The following LYPD6 variants were observed in gnomAD, a reference collection of about 807,000 sequenced individuals.
LYPD6 encodes LY6/PLAUR domain containing 6, also known as ly6/PLAUR domain-containing protein 6.
A neutral mutation model predicts 22.7 loss-of-function variants in LYPD6; 15 were observed. The ratio of observed to expected loss-of-function variants is 0.66; its 90% CI spans 0.44 to 1.02. The LOEUF is 1.02. LYPD6 is among the 50% of genes least tolerant of loss of function. LYPD6 has a pLI of 0.00. For missense variants in LYPD6, 189 were observed against 208.4 expected (o/e 0.91, Z 0.57); for synonymous variants, 72 against 77.5 (o/e 0.93, Z 0.37).
At chr2:149,348,340 G>A (rs1461254430) in intron 1 of LYPD6, among the ~76,000 whole-genome samples, 4 of 152,196 alleles carry the variant, frequency 2.6e-5, no homozygotes, top group East Asian at 1.9e-4. Context: ...TATGTTAGGC[G>A]GTGGTAAGTG....
chr2:149,403,247 G>C (rs1173692140), intron 1 of LYPD6, among the ~76,000 whole-genome samples: 1 of 151,840 alleles, frequency 6.6e-6, no homozygotes, highest in Admixed American at 6.6e-5. Context: ...TATATACCCA[G>C]TAATGGGATG....
chr2:149,395,650 C>T (rs76837802), intron 1 of LYPD6, among the ~76,000 whole-genome samples: 4,910 of 152,198 alleles, frequency 0.032, 255 homozygotes, highest in African/African-American at 0.11. Flanking sequence ...CTCATTTACT[C>T]TGTTTATAGT....
chr2:149,363,929 T>A (rs1039207730), intron 1 of LYPD6, among the ~76,000 whole-genome samples: 5 of 152,196 alleles, frequency 3.3e-5, no homozygotes, highest in Admixed American at 2.6e-4. Context: ...ATATTTTGGG[T>A]TGTTGACACT....
intron 3 of LYPD6, among the ~76,000 whole-genome samples, chr2:149,464,635 A>C (rs1220672849): frequency 2.6e-5 from 4 of 152,340 alleles, no homozygotes; most frequent in Non-Finnish European, 5.9e-5. Context: ...AGGCAGGCCA[A>C]ATAAGCCTAG....
At position 149,472,416 on chromosome 2, in the gene LYPD6, G is replaced by A. The variant is rs1681362989; in HGVS notation, c.*1566G>A. On this transcript the variant is annotated 3_prime_UTR_variant, in exon 5 of 5. Transcript: ENST00000334166. Reference sequence around the variant, plus strand: ...TTTCAGATGTGTTTTTGTGAAACTTGGTAGAACCATGGCTAATAAAGAGGA... The same window carrying A: ...TTTCAGATGTGTTTTTGTGAAACTTAGTAGAACCATGGCTAATAAAGAGGA... The A allele has an allele frequency of 4.6e-5, 7 of 152,686 alleles. No individual in the cohort carries two copies. Among genetic ancestry groups the A allele is most frequent in the Admixed American group, 4.6e-4 (7 of 15,282 alleles). 9.5% of individuals were successfully genotyped at this position (152,686 alleles called of 1,614,324 possible). A position where few individuals can be genotyped will look rare whatever the true frequency, so the allele number is the denominator to read the frequency against.
chr2:149,440,896 C>T lies in LYPD6; in HGVS notation c.118+3070C>T, dbSNP rs374655629. 8.1e-4 allele frequency among the ~76,000 whole-genome samples: 123 copies of T among 151,024 alleles called. 1 individual carries two copies. Among genetic ancestry groups the T allele is most frequent in the African/African-American group, 2.8e-3 (113 of 41,042 alleles). On this transcript the variant is annotated intron_variant, in intron 2 of 4. Coordinates refer to ENST00000334166, the MANE Select transcript of LYPD6 (RefSeq NM_194317.5). The stretch of plus-strand genomic sequence containing the variant: ...TTTTTTTTTGTATTTTTAGTAGAGA[C>T]GGGTTTCACCGTGTTAGCCAGGATG...
chr2:149,417,944 T>C (rs6721513), intron 1 of LYPD6, among the ~76,000 whole-genome samples: 43,588 of 152,092 alleles, frequency 0.29, 7,928 homozygotes, highest in African/African-American at 0.52. Context: ...ATCAATAATC[T>C]GAAATTTGTG....
chr2:149,426,840 T>C (rs2105138863), intron 1 of LYPD6, among the ~76,000 whole-genome samples: 1 of 152,130 alleles, frequency 6.6e-6, no homozygotes, highest in South Asian at 2.1e-4. Flanking sequence ...AGACATTGGG[T>C]GGGGTGGGAG....
intron 1 of LYPD6, among the ~76,000 whole-genome samples, chr2:149,419,528 GTGGC>G: frequency 6.6e-6 from 1 of 152,302 alleles, no homozygotes; most frequent in African/African-American, 2.4e-5. Context: ...GTTGTGGCTA[GTGGC>G]TCCCAAATCG....
chr2:149,345,306 A>T (rs904848817), intron 1 of LYPD6, among the ~76,000 whole-genome samples: 10 of 127,320 alleles, frequency 7.9e-5, no homozygotes, highest in East Asian at 2.3e-4. Flanking sequence ...CTTAATTTAA[A>T]TTTTTTTTTT....
intron 1 of LYPD6, among the ~76,000 whole-genome samples, chr2:149,420,531 C>T (rs902669968): frequency 2.0e-5 from 3 of 152,118 alleles, no homozygotes; most frequent in African/African-American, 7.2e-5. Flanking sequence ...GTGTACTTCA[C>T]CTGGAGTATT....
chr2:149,405,504 T>C (rs879893308), intron 1 of LYPD6, among the ~76,000 whole-genome samples: 1 of 152,230 alleles, frequency 6.6e-6, no homozygotes, highest in Non-Finnish European at 1.5e-5. Context: ...TCTTCTAGAT[T>C]TTCTAGTTTA....
At chr2:149,382,162 G>A (rs1299241284) in intron 1 of LYPD6, among the ~76,000 whole-genome samples, 2 of 151,974 alleles carry the variant, frequency 1.3e-5, no homozygotes, top group African/African-American at 4.8e-5. Flanking sequence ...TGGAAGTTTT[G>A]GTTGCTTTCC....
At chr2:149,331,366 C>G (rs1573721941) in intron 1 of LYPD6, among the ~76,000 whole-genome samples, 1 of 152,218 alleles carries the variant, frequency 6.6e-6, no homozygotes, top group African/African-American at 2.4e-5. Context: ...TCCGTTGATT[C>G]ACATTTGGCT....
intron 3 of LYPD6, among the ~76,000 whole-genome samples, chr2:149,464,902 G>A (rs145716359): frequency 8.5e-5 from 13 of 152,258 alleles, no homozygotes; most frequent in African/African-American, 2.9e-4. Context: ...ATCCCAGGAG[G>A]TCCCTTCCTG....
At chr2:149,444,294 C>T (rs1189207917) in intron 2 of LYPD6, among the ~76,000 whole-genome samples, 1 of 152,110 alleles carries the variant, frequency 6.6e-6, no homozygotes, top group Non-Finnish European at 1.5e-5. Flanking sequence ...ATCATCTGAG[C>T]CTTTAGTGAG....
Position 149,441,783 on chromosome 2 carries a change from A to G in LYPD6, c.118+3957A>G, listed in dbSNP as rs76941760. 8.9e-3 allele frequency among the ~76,000 whole-genome samples: 1,349 copies of G among 152,346 alleles called. 15 individuals carry two copies. The highest frequency in any genetic ancestry group is 0.031 in the African/African-American group (1,293 of 41,568). On this transcript the variant is annotated intron_variant, in intron 2 of 4. Coordinates refer to ENST00000334166, the MANE Select transcript of LYPD6 (RefSeq NM_194317.5). Reference sequence around the variant, plus strand: ...ATTTGGTAGTCAGACATAGTAAGAGATAGCAGAGTTTAATATACTAAGTGG... The same window carrying G: ...ATTTGGTAGTCAGACATAGTAAGAGGTAGCAGAGTTTAATATACTAAGTGG...
Position 149,388,030 on chromosome 2 carries a change from C to T in LYPD6, c.-71-49608C>T, listed in dbSNP as rs566789064. ...ATTTTGGAAAATGTATTGTGACCCTCAGTTCTAAATGACCGAGCCTTACTT... is the reference window on the plus strand; with the variant it reads ...ATTTTGGAAAATGTATTGTGACCCTTAGTTCTAAATGACCGAGCCTTACTT... On this transcript the variant is annotated intron_variant, in intron 1 of 4. Coordinates refer to ENST00000334166, the MANE Select transcript of LYPD6 (RefSeq NM_194317.5). Among the ~76,000 whole-genome samples, 4 of 152,278 alleles carry T rather than the reference C, an allele frequency of 2.6e-5. No individual in the cohort carries two copies. In the East Asian group the frequency reaches 7.7e-4, roughly 29 times the overall value.
At chr2:149,367,104 T>C (rs1357382798) in intron 1 of LYPD6, among the ~76,000 whole-genome samples, 1 of 152,222 alleles carries the variant, frequency 6.6e-6, no homozygotes, top group Non-Finnish European at 1.5e-5. Flanking sequence ...TATTTGTTGT[T>C]GCATAACAAA....
Sources: allele counts gnomAD v4.1 joint callset (sites outside exome capture counted in the v4.1 genomes callset), GRCh38; gene constraint gnomAD v4.1.1; transcripts MANE v1.5; gene names NCBI Gene and HGNC (gene_info 2026-07-23, HGNC 2026-07-21).